SV2C: variants seen among roughly 807,000 people sequenced by gnomAD.
SV2C encodes solute carrier family 22 member B3.
Under a neutral mutation model 79.7 loss-of-function variants are expected in SV2C, and 49 were observed. The observed-to-expected ratio is 0.61, with a 90% CI of 0.49 to 0.78. The LOEUF is 0.78. SV2C is among the 30% of genes least tolerant of loss of function. SV2C has a pLI of 0.00. For synonymous variants in SV2C, 334 were observed against 333.2 expected (o/e 1.00, Z -0.03); for missense variants, 833 against 912.9 (o/e 0.91, Z 1.13).
the SV2C span, among the ~76,000 whole-genome samples, chr5:75,886,128 C>G: frequency 6.6e-6 from 1 of 152,064 alleles, no homozygotes; most frequent in Non-Finnish European, 1.5e-5. Context: ...CCCCTTTTAG[C>G]TGAGGGCAAG....
the SV2C span, among the ~76,000 whole-genome samples, chr5:75,859,371 A>C: frequency 6.6e-6 from 1 of 152,224 alleles, no homozygotes; most frequent in Non-Finnish European, 1.5e-5. Flanking sequence ...TGGGAGAAAA[A>C]CCAAAACATT....
chr5:76,167,742 T>C (rs1743087351), intron 2 of SV2C, among the ~76,000 whole-genome samples: 1 of 152,240 alleles, frequency 6.6e-6, no homozygotes, highest in South Asian at 2.1e-4. Context: ...CCATGCAGTC[T>C]GGCTCCACTG....
At chr5:76,187,644 T>G (rs1272189264) in intron 2 of SV2C, among the ~76,000 whole-genome samples, 1 of 152,142 alleles carries the variant, frequency 6.6e-6, no homozygotes, top group Non-Finnish European at 1.5e-5. Flanking sequence ...CAGATGCTTT[T>G]GAACACATAA....
upstream of SV2C, among the ~76,000 whole-genome samples, chr5:76,081,399 C>T (rs746159325): frequency 6.6e-6 from 1 of 152,210 alleles, no homozygotes; most frequent in East Asian, 1.9e-4. Flanking sequence ...AAATAACATG[C>T]GGGGAATCCA....
intron 11 of SV2C, 43 bp downstream of exon 11, chr5:76,300,975 A>G: frequency 6.2e-7 from 1 of 1,603,786 alleles, no homozygotes; most frequent in Non-Finnish European, 8.5e-7. Context: ...CTGCCCCTGC[A>G]ATCCAGAGGG....
At chr5:76,238,011 T>C (rs1279648152) in intron 4 of SV2C, among the ~76,000 whole-genome samples, 2 of 128,120 alleles carry the variant, frequency 1.6e-5, no homozygotes, top group African/African-American at 5.7e-5. Context: ...TACATACATA[T>C]ACACACAATC....
chr5:75,998,725 G>C, the SV2C span, among the ~76,000 whole-genome samples: 1 of 151,858 alleles, frequency 6.6e-6, no homozygotes, highest in Non-Finnish European at 1.5e-5. Context: ...TAGGTCTCCA[G>C]CTTGCAGATG....
At chr5:76,226,950 G>A (rs1298345832) in intron 4 of SV2C, among the ~76,000 whole-genome samples, 1 of 152,148 alleles carries the variant, frequency 6.6e-6, no homozygotes, top group Non-Finnish European at 1.5e-5. Flanking sequence ...GGCCCCACAG[G>A]AAAAGAGTTC....
chr5:76,335,810 C>A (rs942210613), downstream of SV2C, among the ~76,000 whole-genome samples: 1 of 152,090 alleles, frequency 6.6e-6, no homozygotes, highest in Non-Finnish European at 1.5e-5. Context: ...AAAAGTCTCC[C>A]GTGTCTACCT....
chr5:76,182,395 T>C (rs1363815502), intron 2 of SV2C, among the ~76,000 whole-genome samples: 1 of 152,236 alleles, frequency 6.6e-6, no homozygotes, highest in Non-Finnish European at 1.5e-5. Context: ...CTATGGTCTC[T>C]GATAACTGAA....
chr5:76,010,872 A>G, the SV2C span, among the ~76,000 whole-genome samples: 1 of 152,312 alleles, frequency 6.6e-6, no homozygotes, highest in East Asian at 1.9e-4. Flanking sequence ...TAATTGCACA[A>G]TTTGGTGTAG....
At chr5:76,069,965 T>C in the SV2C span, among the ~76,000 whole-genome samples, 1 of 152,138 alleles carries the variant, frequency 6.6e-6, no homozygotes, top group Non-Finnish European at 1.5e-5. Context: ...AGATTCCAGG[T>C]CTGTGCAGCC....
the SV2C span, among the ~76,000 whole-genome samples, chr5:76,062,601 A>G: frequency 4.0e-5 from 6 of 151,598 alleles, no homozygotes; most frequent in Non-Finnish European, 8.8e-5. Flanking sequence ...ATGAACTTCG[A>G]TATCAGGGTT....
chr5:76,193,453 T>C (rs776797811), intron 2 of SV2C, among the ~76,000 whole-genome samples: 49 of 152,164 alleles, frequency 3.2e-4, no homozygotes, highest in Admixed American at 1.1e-3. Flanking sequence ...AACACCCAGC[T>C]AAAGACTTTG....
chr5:76,019,957 A>C, the SV2C span, among the ~76,000 whole-genome samples: 37 of 152,186 alleles, frequency 2.4e-4, no homozygotes, highest in Admixed American at 3.9e-4. Context: ...CATTAGATTA[A>C]GTCTCTGGTA....
chr5:75,995,816 A>G, the SV2C span, among the ~76,000 whole-genome samples: 3 of 152,150 alleles, frequency 2.0e-5, no homozygotes, highest in African/African-American at 7.2e-5. Context: ...TAACAGCAGG[A>G]TTCCTAAATC....
At chr5:76,069,835 CACACACACACAT>C in the SV2C span, among the ~76,000 whole-genome samples, 16 of 143,968 alleles carry the variant, frequency 1.1e-4, no homozygotes, top group African/African-American at 4.0e-4. Context: ...CTCTCTCTCT[CACACACACACAT>C]ACACACACAC....
chr5:76,182,705 G>A (rs1743774627), intron 2 of SV2C, among the ~76,000 whole-genome samples: 1 of 152,112 alleles, frequency 6.6e-6, no homozygotes, highest in African/African-American at 2.4e-5. Flanking sequence ...AGTCCTGGTG[G>A]CCTTTCTCCC....
intron 12 of SV2C, among the ~76,000 whole-genome samples, chr5:76,321,326 T>C (rs1748822483): frequency 6.6e-6 from 1 of 151,688 alleles, no homozygotes; most frequent in African/African-American, 2.4e-5. Context: ...TATCCAAAAA[T>C]TGCCCTGTAT....
Sources: allele counts gnomAD v4.1 joint callset (sites outside exome capture counted in the v4.1 genomes callset), GRCh38; gene constraint gnomAD v4.1.1; transcripts MANE v1.5; gene names NCBI Gene and HGNC (gene_info 2026-07-23, HGNC 2026-07-21).